Variants in DENND4B observed in about 807,000 individuals in gnomAD.
DENND4B encodes the protein DENN domain-containing protein 4B.
DENND4B carries 67 observed loss-of-function variants against 161.0 expected under a neutral mutation model. The ratio of observed to expected loss-of-function variants is 0.42; its 90% confidence interval spans 0.34 to 0.51. The LOEUF (loss-of-function observed/expected upper bound fraction) is 0.51. DENND4B is among the 20% of genes least tolerant of loss of function. The probability of loss-of-function intolerance (pLI) is 0.08; values close to 1 mark genes in which losing one functional copy is unlikely to be tolerated. For missense variants in DENND4B, 1,481 were observed against 1,968.0 expected, an observed-to-expected ratio of 0.75 and a Z score of 4.68; for synonymous variants, 753 against 813.8, an observed-to-expected ratio of 0.93 and a Z score of 1.27.
At position 153,933,772 on chromosome 1, in the gene DENND4B, G is replaced by A. The variant is rs1275782615; in HGVS notation, c.3041C>T (p.Pro1014Leu). 2 of 1,610,100 alleles carry A rather than the reference G, an allele frequency of 1.2e-6. No homozygotes were observed. Residue 1014 changes from proline (P) to leucine (L), a missense_variant, in exon 20 of 28, where the codon CCT (proline) becomes CTT (leucine). Physicochemically the swap from Pro to Leu is moderately conservative, Grantham distance 98 (BLOSUM62 -3). Coordinates refer to ENST00000361217, the MANE Select transcript of DENND4B (RefSeq NM_014856.3). The surrounding 1 kb of genome is among the most constrained non-coding windows in gnomAD (Gnocchi z 5.7). ...DLSLTGEEPL[P>L]GGSPGGSGSA... ...GCCTGAGCCCCCTGGGCTGCCTCCA[G>A]GGAGCGGCTCCTCCCCTGTCAGGCT...
rs953572833 is a variant in DENND4B at position 153,938,005 on chromosome 1, G to A, written c.1966-142C>T. The A allele has an allele frequency of 2.5e-6, 3 of 1,206,890 alleles. No homozygotes were observed. In the African/African-American group the frequency reaches 4.5e-5, roughly 18 times the overall value. 74.8% of individuals were successfully genotyped at this position (1,206,890 alleles called of 1,614,324 possible). Reference sequence around the variant, plus strand: ...GGGAAGATGGCGTCAGGAACGGGAGGACAGTACATTACATGTACGGGGCCA... The same window carrying A: ...GGGAAGATGGCGTCAGGAACGGGAGAACAGTACATTACATGTACGGGGCCA... On this transcript the variant is annotated intron_variant, in intron 13 of 27. Coordinates refer to ENST00000361217, the MANE Select transcript of DENND4B (RefSeq NM_014856.3).
At position 153,933,665 on chromosome 1, in the gene DENND4B, C is replaced by A. The variant is rs908904155; in HGVS notation, c.3148G>T (p.Ala1050Ser). ...GPKAGGRQDEAGTPRRGLGAR... is the reference protein window; with the variant it reads ...GPKAGGRQDESGTPRRGLGAR... ...CCCAGCCCTCGTCGGGGGGTGCCTG[C>A]CTCATCCTGTCGCCCACCAGCCTTG... Residue 1050 changes from alanine to serine, a missense_variant, in exon 20 of 28, where the codon GCA (alanine) becomes TCA (serine). This residue lies in a region of DENND4B where 339 missense variants were observed against 330.3 expected (regional missense o/e 1.03). Coordinates refer to ENST00000361217, the MANE Select transcript of DENND4B (RefSeq NM_014856.3). The surrounding 1 kb of genome is among the most constrained non-coding windows in gnomAD (Gnocchi z 5.7). The A allele has an allele frequency of 7.6e-6, 12 of 1,570,614 alleles. No homozygotes were observed. The highest frequency in any genetic ancestry group is 1.4e-5 in the African/African-American group (1 of 73,730).
At position 153,936,489 on chromosome 1, in the gene DENND4B, C is replaced by A; in HGVS notation, c.2439+53G>T. The A allele has an allele frequency of 6.7e-7, 1 of 1,487,102 alleles. No individual in the cohort carries two copies. Among genetic ancestry groups the A allele is most frequent in the Non-Finnish European group, 9.0e-7 (1 of 1,109,280 alleles). The allele number at this position is 1,487,102 out of a possible 1,614,324, so 92.1% of individuals were successfully genotyped here. A position where few individuals can be genotyped will look rare whatever the true frequency, so the allele number is the denominator to read the frequency against. Reference sequence around the variant, plus strand: ...GTTTCCCTCTCACAGCCCTCTCCAGCTGCACAAGGCTCACTGGGCCTGGGT... The same window carrying A: ...GTTTCCCTCTCACAGCCCTCTCCAGATGCACAAGGCTCACTGGGCCTGGGT... On this transcript the variant is annotated intron_variant, in intron 16 of 27. Coordinates refer to ENST00000361217, the MANE Select transcript of DENND4B (RefSeq NM_014856.3). This position sits in a 1 kb window ranked among gnomAD's most constrained non-coding sequence, Gnocchi z 4.1.
Position 153,942,717 on chromosome 1 carries a change from G to A in DENND4B, c.571-92C>T. 2 of 1,479,794 alleles carry A rather than the reference G, an allele frequency of 1.4e-6. No individual in the cohort carries two copies. The highest frequency in any genetic ancestry group is 1.8e-6 in the Non-Finnish European group (2 of 1,112,164). 91.7% of individuals were successfully genotyped at this position (1,479,794 alleles called of 1,614,324 possible). Reference sequence around the variant, plus strand: ...CTCTACCACCCCTAAATGTTCTTTTGTCTTTAAAGCTCCCATTAATCCCAG... The same window carrying A: ...CTCTACCACCCCTAAATGTTCTTTTATCTTTAAAGCTCCCATTAATCCCAG... On this transcript the variant is annotated intron_variant, in intron 3 of 27. Transcript: ENST00000361217. This position sits in a 1 kb window ranked among gnomAD's most constrained non-coding sequence, Gnocchi z 6.9.
Position 153,932,652 on chromosome 1 carries a change from C to G in DENND4B, c.3749G>C (p.Gly1250Ala). Residue 1250 changes from glycine (G) to alanine (A), a missense_variant, in exon 23 of 28, where the codon GGG becomes GCG. By Grantham distance (60) the Gly-to-Ala change is moderately conservative (BLOSUM62 0). This residue lies in a region of DENND4B where 336 missense variants were observed against 503.3 expected (regional missense o/e 0.67). Coordinates refer to ENST00000361217, the MANE Select transcript of DENND4B (RefSeq NM_014856.3). The surrounding 1 kb of genome is among the most constrained non-coding windows in gnomAD (Gnocchi z 5.8). Reference sequence around the variant, plus strand: ...TGGCCCAGCCCTTACCCCCATGTGCCCGTTGCAGAGCTGGGGCTCATCCAG... The same window carrying G: ...TGGCCCAGCCCTTACCCCCATGTGCGCGTTGCAGAGCTGGGGCTCATCCAG... Reference protein sequence around the residue: ...LALDEPQLCNGHMGGASRRVE... With the variant: ...LALDEPQLCNAHMGGASRRVE... 2 of 1,613,002 alleles carry G rather than the reference C, an allele frequency of 1.2e-6. No individual in the cohort carries two copies. Among genetic ancestry groups the G allele is most frequent in the Non-Finnish European group, 1.7e-6 (2 of 1,179,196 alleles).
rs1678799505 is a variant in DENND4B at position 153,929,816 on chromosome 1, C to T, written c.*481G>A. Reference sequence around the variant, plus strand: ...AGAATAAATAATTTAAAATAAAATACAAACACTTAGGTAGAAAGGCATGGA... The same window carrying T: ...AGAATAAATAATTTAAAATAAAATATAAACACTTAGGTAGAAAGGCATGGA... On this transcript the variant is annotated 3_prime_UTR_variant, in exon 28 of 28. Coordinates refer to ENST00000361217, the MANE Select transcript of DENND4B (RefSeq NM_014856.3). 1 of 153,278 alleles carries T rather than the reference C, an allele frequency of 6.5e-6. No homozygotes were observed. Among genetic ancestry groups the T allele is most frequent in the African/African-American group, 2.4e-5 (1 of 41,442 alleles). The allele number at this position is 153,278 out of a possible 1,614,324, so 9.5% of individuals were successfully genotyped here.
In DENND4B at chr1:153,937,836, G is replaced by T; in HGVS notation, c.1993C>A (p.Pro665Thr). 1 of 1,614,002 alleles carries T rather than the reference G, an allele frequency of 6.2e-7. No individual in the cohort carries two copies. Among genetic ancestry groups the T allele is most frequent in the South Asian group, 1.1e-5 (1 of 91,090 alleles). ...TCCTCTAGCTCCACTAAGGGTGTCG[G>T]CTCAGGCTTCTCCTGCTCTGGGTGG... is the stretch of plus-strand genomic sequence containing the variant. ...KVHPEQEKPE[P>T]TPLVELEELS... Residue 665 changes from proline to threonine, a missense_variant, in exon 14 of 28, where the codon CCG becomes ACG. Transcript: ENST00000361217. This position sits in a 1 kb window ranked among gnomAD's most constrained non-coding sequence, Gnocchi z 4.7.
In DENND4B at chr1:153,944,831, T is replaced by C. The variant is rs1679875125; in HGVS notation, c.-23-434A>G. Among the ~76,000 whole-genome samples, 2 of 152,204 alleles carry C rather than the reference T, an allele frequency of 1.3e-5. No individual in the cohort carries two copies. Among genetic ancestry groups the C allele is most frequent in the Non-Finnish European group, 2.9e-5 (2 of 68,030 alleles). ...CCTTCCTACTCTAGTTATGACACCATAAGAACCTTGTGATCCTGCCAATGT... is the reference window on the plus strand; with the variant it reads ...CCTTCCTACTCTAGTTATGACACCACAAGAACCTTGTGATCCTGCCAATGT... On this transcript the variant is annotated intron_variant, in intron 1 of 27. Coordinates refer to ENST00000361217, the MANE Select transcript of DENND4B (RefSeq NM_014856.3). This position sits in a 1 kb window ranked among gnomAD's most constrained non-coding sequence, Gnocchi z 4.8.
rs550045345 is a variant in DENND4B at position 153,944,001 on chromosome 1, G to A, written c.317+57C>T. 1 of 1,490,796 alleles carries A rather than the reference G, an allele frequency of 6.7e-7. No individual in the cohort carries two copies. The highest frequency in any genetic ancestry group is 1.4e-5 in the African/African-American group (1 of 71,166). 92.3% of individuals were successfully genotyped at this position (1,490,796 alleles called of 1,614,324 possible). On this transcript the variant is annotated intron_variant, in intron 2 of 27. Coordinates refer to ENST00000361217, the MANE Select transcript of DENND4B (RefSeq NM_014856.3). This position sits in a 1 kb window ranked among gnomAD's most constrained non-coding sequence, Gnocchi z 4.8. ...TTGTTCCATAGTCCTACCTCTCCCT[G>A]TCTCACTGGAGTCCCTCCCAGCCTC... is the stretch of plus-strand genomic sequence containing the variant.
chr1:153,945,656 A>G (rs1207614024), intron 1 of DENND4B, among the ~76,000 whole-genome samples: 2 of 152,196 alleles, frequency 1.3e-5, no homozygotes, highest in Non-Finnish European at 2.9e-5. Context: ...GCCAGGAGTC[A>G]GCGTCAGCCT....
Position 153,940,686 on chromosome 1 carries a change from A to G in DENND4B, c.1327-80T>C. On this transcript the variant is annotated intron_variant, in intron 9 of 27. Coordinates refer to ENST00000361217, the MANE Select transcript of DENND4B (RefSeq NM_014856.3). This position sits in a 1 kb window ranked among gnomAD's most constrained non-coding sequence, Gnocchi z 5.6. ...GGCACAGGAGAGAGAAAGAGAGGGC[A>G]TTGGCCTTGGGGAGTTGGTGCCTGT... 12 of 1,543,840 alleles carry G rather than the reference A, an allele frequency of 7.8e-6. No individual in the cohort carries two copies. The highest frequency in any genetic ancestry group is 1.1e-5 in the Non-Finnish European group (12 of 1,140,034).
At position 153,944,369 on chromosome 1, in the gene DENND4B, C is replaced by T. The variant is rs767631446; in HGVS notation, c.6G>A (p.Ala2=). The change falls in exon 2 of 28, where the codon GCG becomes GCA. Residue 2 remains alanine (A), a synonymous_variant. Transcript: ENST00000361217. The surrounding 1 kb of genome is among the most constrained non-coding windows in gnomAD (Gnocchi z 4.8). ...CCACCAGCCGGGGGGGCCGCTCCTC[C>T]GCCATGGCCCCCCCCTCACTCACTG... M[A]EERPPRLVDY... 18 of 1,604,648 alleles carry T rather than the reference C, an allele frequency of 1.1e-5. No individual in the cohort carries two copies. The highest frequency in any genetic ancestry group is 4.5e-5 in the East Asian group (2 of 44,496).
rs200470601 is a variant in DENND4B at position 153,933,231 on chromosome 1, T to A, written c.3419A>T (p.Asp1140Val). Residue 1140 changes from aspartate (D) to valine (V), a missense_variant, in exon 21 of 28, where the codon GAC becomes GTC. Coordinates refer to ENST00000361217, the MANE Select transcript of DENND4B (RefSeq NM_014856.3). The surrounding 1 kb of genome is among the most constrained non-coding windows in gnomAD (Gnocchi z 5.7). Reference protein sequence around the residue: ...SLRRSSERLSDTPGSFQSPSL... With the variant: ...SLRRSSERLSVTPGSFQSPSL... Reference sequence around the variant, plus strand: ...AGGTGACTGGAAGGATCCAGGGGTGTCACTGAGGCGCTCTGAGGAACGGCG... The same window carrying A: ...AGGTGACTGGAAGGATCCAGGGGTGACACTGAGGCGCTCTGAGGAACGGCG... 5.9e-4 allele frequency: 946 copies of A among 1,612,982 alleles called. No individual in the cohort carries two copies. Among genetic ancestry groups the A allele is most frequent in the Non-Finnish European group, 7.2e-4 (851 of 1,179,544 alleles).
Position 153,943,124 on chromosome 1 carries a change from C to T in DENND4B, c.324G>A (p.Leu108=), listed in dbSNP as rs1679771023. ...GCTTGGGACGTTCCTTCCCCTCATA[C>T]AACACCCTTGGCACAGAGAGCAAAG... ...DKPPLVELGV[L]YEGKERPKPG... Residue 108 remains leucine (L), a synonymous_variant, in exon 3 of 28, where the codon TTG becomes TTA. Coordinates refer to ENST00000361217, the MANE Select transcript of DENND4B (RefSeq NM_014856.3). 5.0e-6 allele frequency: 8 copies of T among 1,612,112 alleles called. No individual in the cohort carries two copies. Among genetic ancestry groups the T allele is most frequent in the African/African-American group, 1.3e-5 (1 of 74,906 alleles).
At chr1:153,941,537 A>G in intron 6 of DENND4B, 97 bp from the exon 7 acceptor site, 5 of 1,413,450 alleles carry the variant, frequency 3.5e-6, no homozygotes, top group South Asian at 1.4e-5. Flanking sequence ...CAAGAACCTT[A>G]TTCCTTCCTG....
rs1679374012 is a variant in DENND4B, at chr1:153,936,897, G to A, written c.2233-149C>T. On this transcript the variant is annotated intron_variant, in intron 15 of 27. Coordinates refer to ENST00000361217, the MANE Select transcript of DENND4B (RefSeq NM_014856.3). The surrounding 1 kb of genome is among the most constrained non-coding windows in gnomAD (Gnocchi z 4.1). ...TGGCTCACTGCAGACTCGGCCTCCTGGGCTCAAGCGATTCTCCCACCTCAG... is the reference window on the plus strand; with the variant it reads ...TGGCTCACTGCAGACTCGGCCTCCTAGGCTCAAGCGATTCTCCCACCTCAG... 1.0e-5 allele frequency: 7 copies of A among 702,964 alleles called. No homozygotes were observed. In the South Asian group the frequency reaches 1.8e-4, roughly 18 times the overall value. 43.5% of individuals were successfully genotyped at this position (702,964 alleles called of 1,614,324 possible). A position where few individuals can be genotyped will look rare whatever the true frequency, so the allele number is the denominator to read the frequency against.
Position 153,941,702 on chromosome 1 carries a change from C to G in DENND4B, c.1055+167G>C, listed in dbSNP as rs140302004. Among the ~76,000 whole-genome samples, 331 of 152,278 alleles carry G rather than the reference C, an allele frequency of 2.2e-3. 2 individuals are homozygous for G. Among genetic ancestry groups the G allele is most frequent in the African/African-American group, 7.7e-3 (321 of 41,544 alleles). ...GGATTTCAGGCCCTGCTCCCCTCCT[C>G]AGCCCGTGGCGTTTTTACAGTGGAT... On this transcript the variant is annotated intron_variant, in intron 6 of 27. Coordinates refer to ENST00000361217, the MANE Select transcript of DENND4B (RefSeq NM_014856.3).
Position 153,934,836 on chromosome 1 carries a change from CTGCTGCTGCTGT to C in DENND4B, c.2685_2696del (p.Gln907_Gln910del). 6.2e-7 allele frequency: 1 copy of C among 1,608,542 alleles called. No homozygotes were observed. Among genetic ancestry groups the C allele is most frequent in the South Asian group, 1.1e-5 (1 of 90,884 alleles). On this transcript the variant is annotated inframe_deletion, in exon 18 of 28. Coordinates refer to ENST00000361217, the MANE Select transcript of DENND4B (RefSeq NM_014856.3). This position sits in a 1 kb window ranked among gnomAD's most constrained non-coding sequence, Gnocchi z 5.3. ...GCTGCTGCTGCTGCTGCTGTTGCTG[CTGCTGCTGCTGT>C]TGCCGTTCTCTCAAGGGCTGGCGGA...
Position 153,936,680 on chromosome 1 carries a change from C to A in DENND4B, c.2301G>T (p.Leu767=). 2 of 1,612,778 alleles carry A rather than the reference C, an allele frequency of 1.2e-6. No homozygotes were observed. The highest frequency in any genetic ancestry group is 1.1e-5 in the South Asian group (1 of 90,942). ...AAVPELWARC[L]LGHCYGLWFL... ...ACCACAGCCCATAGCAGTGCCCCAG[C>A]AGGCACCGGGCCCACAGCTCAGGCA... Residue 767 remains leucine, a synonymous_variant, in exon 16 of 28, where the codon CTG becomes CTT. Coordinates refer to ENST00000361217, the MANE Select transcript of DENND4B (RefSeq NM_014856.3). The surrounding 1 kb of genome is among the most constrained non-coding windows in gnomAD (Gnocchi z 4.1).
Sources: gnomAD v4.1 joint callset for allele counts (sites outside exome capture counted in the v4.1 genomes callset) on GRCh38, gnomAD v4.1.1 for gene constraint, gnomAD v4.1.1 regional missense constraint, Gnocchi (gnomAD v3.1) non-coding constraint, MANE v1.5 for transcripts, NCBI Gene and HGNC (gene_info 2026-07-23, HGNC 2026-07-21) for gene names.